Variants in CRYBG3 observed in about 807,000 individuals in gnomAD.
CRYBG3 encodes very large A-kinase anchor protein.
CRYBG3 carries 127 observed loss-of-function variants against 244.2 expected under a neutral mutation model. The observed-to-expected ratio is 0.52, with a 90% CI of 0.45 to 0.60. The LOEUF is 0.60. Among genes scored for constraint, CRYBG3 ranks in the 20% least tolerant of loss-of-function variants. The pLI is 0.00. For missense variants in CRYBG3, 3,325 were observed against 3,442.5 expected, an observed-to-expected ratio of 0.97 and a Z score of 0.85; for synonymous variants, 1,132 against 1,195.8, an observed-to-expected ratio of 0.95 and a Z score of 1.10.
intron 12 of CRYBG3, among the ~76,000 whole-genome samples, chr3:97,897,674 C>A (rs958780249): frequency 6.6e-6 from 1 of 151,920 alleles, no homozygotes; most frequent in African/African-American, 2.4e-5. Flanking sequence ...CTTATTAAAC[C>A]ATTTTTTTGG....
rs975067726 is a variant in CRYBG3, at chr3:97,881,083, A to G, written c.7016A>G (p.Tyr2339Cys). The change falls in exon 7 of 22, where the codon TAT becomes TGT. Residue 2339 changes from tyrosine (Y) to cysteine (C), a missense_variant. Physicochemically the swap from Tyr to Cys is radical, Grantham distance 194 (BLOSUM62 -2). Around this residue, in one of 4 missense-constraint regions of CRYBG3, gnomAD observed 714 missense variants for 803.6 expected, o/e 0.89. Coordinates refer to ENST00000389622, the MANE Select transcript of CRYBG3 (RefSeq NM_153605.4). ...IKVVRGCWILYEKPHFRGQKC... is the reference protein window; with the variant it reads ...IKVVRGCWILCEKPHFRGQKC... ...TTCTCTTTGTTTAGCTGGATTTTATATGAGAAACCACATTTCCGAGGTCAG... is the reference window on the plus strand; with the variant it reads ...TTCTCTTTGTTTAGCTGGATTTTATGTGAGAAACCACATTTCCGAGGTCAG... 1.3e-6 allele frequency: 2 copies of G among 1,589,844 alleles called. No individual in the cohort carries two copies. The highest frequency in any genetic ancestry group is 3.4e-4 in the Middle Eastern group (2 of 5,938).
At chr3:97,902,389 T>C (rs1463422696) in intron 15 of CRYBG3, among the ~76,000 whole-genome samples, 5 of 152,190 alleles carry the variant, frequency 3.3e-5, no homozygotes, top group African/African-American at 1.2e-4. Flanking sequence ...ATGGCTTATT[T>C]GAGATATTGG....
At chr3:97,830,860 C>T (rs1356463342) in intron 1 of CRYBG3, among the ~76,000 whole-genome samples, 2 of 152,056 alleles carry the variant, frequency 1.3e-5, no homozygotes, top group Non-Finnish European at 2.9e-5. Flanking sequence ...TATATCTTAA[C>T]GATTTAGAAT....
At chr3:97,942,536 A>G in intron 21 of CRYBG3, 93 bp downstream of exon 21, 1 of 1,133,468 alleles carries the variant, frequency 8.8e-7, no homozygotes, top group Non-Finnish European at 1.2e-6. Context: ...CTTATGTATA[A>G]GAGAAATGTT....
At chr3:97,926,883 T>A (rs2040046682) in intron 17 of CRYBG3, among the ~76,000 whole-genome samples, 1 of 151,618 alleles carries the variant, frequency 6.6e-6, no homozygotes, top group African/African-American at 2.4e-5. Flanking sequence ...ATCTCTACAA[T>A]GAAAATTACA....
chr3:97,882,184 G>T (rs2039456413), intron 7 of CRYBG3, among the ~76,000 whole-genome samples: 2 of 150,136 alleles, frequency 1.3e-5, no homozygotes, highest in Admixed American at 1.3e-4. Flanking sequence ...ACTCAGCCTG[G>T]GCGACAGAGC....
rs139704212 is a variant in CRYBG3, at chr3:97,904,141, C to G, written c.8004+3656C>G. Among the ~76,000 whole-genome samples, 727 of 152,218 alleles carry G rather than the reference C, an allele frequency of 4.8e-3. 9 individuals are homozygous for G. Among genetic ancestry groups the G allele is most frequent in the African/African-American group, 0.016 (659 of 41,536 alleles). ...TCCTTAATTTCACCAACAGTAGAAA[C>G]CACAAGTTAATTATTATAATCAGCA... On this transcript the variant is annotated intron_variant, in intron 15 of 21. Coordinates refer to ENST00000389622, the MANE Select transcript of CRYBG3 (RefSeq NM_153605.4).
intron 2 of CRYBG3, among the ~76,000 whole-genome samples, chr3:97,849,809 G>A (rs781048045): frequency 2.0e-5 from 3 of 152,160 alleles, no homozygotes; most frequent in Admixed American, 6.5e-5. Context: ...AGCTCTCAGA[G>A]AATCAAAAGC....
At chr3:97,897,104 A>G (rs924820568) in intron 12 of CRYBG3, among the ~76,000 whole-genome samples, 1 of 151,840 alleles carries the variant, frequency 6.6e-6, no homozygotes, top group East Asian at 1.9e-4. Flanking sequence ...CCTTAGTTCT[A>G]TACTAGATTA....
Position 97,876,116 on chromosome 3 carries a change from C to A in CRYBG3, c.4922C>A (p.Pro1641Gln). 8.1e-7 allele frequency: 1 copy of A among 1,231,440 alleles called. No individual in the cohort carries two copies. The highest frequency in any genetic ancestry group is 4.1e-5 in the South Asian group (1 of 24,290). 76.3% of individuals were successfully genotyped at this position (1,231,440 alleles called of 1,614,324 possible). A position where few individuals can be genotyped will look rare whatever the true frequency, so the allele number is the denominator to read the frequency against. The change falls in exon 4 of 22, where the codon CCA becomes CAA. Residue 1641 changes from proline (P) to glutamine (Q), a missense_variant. Coordinates refer to ENST00000389622, the MANE Select transcript of CRYBG3 (RefSeq NM_153605.4). ...IGKIEVIPMMPEVKNIHQKDA... is the reference protein window; with the variant it reads ...IGKIEVIPMMQEVKNIHQKDA... The stretch of plus-strand genomic sequence containing the variant: ...AAAATTGAGGTGATACCTATGATGC[C>A]AGAAGTGAAAAATATCCACCAAAAG...
chr3:97,826,252 A>G (rs768710726), intron 1 of CRYBG3, among the ~76,000 whole-genome samples: 2 of 152,178 alleles, frequency 1.3e-5, no homozygotes, highest in African/African-American at 2.4e-5. Context: ...CAGATGGCTA[A>G]TTTGGGAATT....
chr3:97,895,096 A>G (rs1333259510), intron 11 of CRYBG3, among the ~76,000 whole-genome samples: 3 of 152,122 alleles, frequency 2.0e-5, no homozygotes, highest in Admixed American at 6.6e-5. Flanking sequence ...CTGAATTTCA[A>G]ATTTCCCAAC....
chr3:97,905,309 G>A (rs2039759207), intron 15 of CRYBG3, among the ~76,000 whole-genome samples: 1 of 151,734 alleles, frequency 6.6e-6, no homozygotes, highest in Non-Finnish European at 1.5e-5. Flanking sequence ...GATCCCTGAG[G>A]AATCGCCACA....
Position 97,872,923 on chromosome 3 carries a change from A to G in CRYBG3, c.1729A>G (p.Lys577Glu). ...AAAGCTTGATTTTAGGTCACATGATAAAATTCCTCATATTAGAATGAATAA... is the reference window on the plus strand; with the variant it reads ...AAAGCTTGATTTTAGGTCACATGATGAAATTCCTCATATTAGAATGAATAA... ...AKKLDFRSHD[K>E]IPHIRMNKKD... The change falls in exon 4 of 22, where the codon AAA (lysine) becomes GAA (glutamate). Residue 577 changes from lysine to glutamate, a missense_variant. By Grantham distance (56) the Lys-to-Glu change is moderately conservative (BLOSUM62 1). Transcript: ENST00000389622. 1.3e-6 allele frequency: 2 copies of G among 1,530,230 alleles called. No individual in the cohort carries two copies. The highest frequency in any genetic ancestry group is 8.7e-7 in the Non-Finnish European group (1 of 1,145,484). 94.8% of individuals were successfully genotyped at this position (1,530,230 alleles called of 1,614,324 possible).
chr3:97,942,937 C>T, intron 21 of CRYBG3: 1 of 327,476 alleles, frequency 3.1e-6, no homozygotes, highest in Non-Finnish European at 5.5e-6. Flanking sequence ...ACCTGACATT[C>T]AGCCAGAGTT....
At chr3:97,892,791 T>C in intron 10 of CRYBG3, 69 bp from the exon 11 acceptor site, 1 of 718,886 alleles carries the variant, frequency 1.4e-6, no homozygotes. Flanking sequence ...GTACATTTTG[T>C]GGTCTTTGGT....
At chr3:97,846,981 C>T (rs577992193) in intron 2 of CRYBG3, among the ~76,000 whole-genome samples, 2 of 152,284 alleles carry the variant, frequency 1.3e-5, no homozygotes, top group East Asian at 3.9e-4. Context: ...ATCTGCTCGG[C>T]TTTGGTGGAA....
intron 10 of CRYBG3, among the ~76,000 whole-genome samples, chr3:97,891,532 C>G (rs1380086806): frequency 6.6e-6 from 1 of 152,112 alleles, no homozygotes; most frequent in Non-Finnish European, 1.5e-5. Context: ...TATTTTTCAT[C>G]ATAAGCTTCG....
At chr3:97,863,305 G>C (rs1462099600) in intron 2 of CRYBG3, among the ~76,000 whole-genome samples, 1 of 152,116 alleles carries the variant, frequency 6.6e-6, no homozygotes. Context: ...AAGCTTTTTA[G>C]AATCTGGAAA....
Sources: gnomAD v4.1 joint callset for allele counts (sites outside exome capture counted in the v4.1 genomes callset) on GRCh38, gnomAD v4.1.1 for gene constraint, gnomAD v4.1.1 regional missense constraint, MANE v1.5 for transcripts, NCBI Gene and HGNC (gene_info 2026-07-23, HGNC 2026-07-21) for gene names.